The following PRC1 variants were observed in gnomAD, a reference collection of about 807,000 sequenced individuals.
The protein encoded by PRC1 is protein regulator of cytokinesis 1.
Under a neutral mutation model 91.2 loss-of-function variants are expected in PRC1, and 54 were observed. That is an observed-to-expected ratio of 0.59 (90% CI 0.48 to 0.74). The LOEUF is 0.74. Among genes scored for constraint, PRC1 ranks in the 30% least tolerant of loss-of-function variants. The pLI is 0.00. For synonymous variants in PRC1, 275 were observed against 263.6 expected (o/e 1.04, Z -0.42); for missense variants, 727 against 746.2 (o/e 0.97, Z 0.30).
At chr15:90,982,162 T>C in intron 3 of PRC1, 181 bp from the exon 4 acceptor site, 1 of 617,282 alleles carries the variant, frequency 1.6e-6, no homozygotes, top group Non-Finnish European at 2.8e-6. Flanking sequence ...TGAGGAAAAG[T>C]GAGTAAGTAC....
chr15:90,980,320 G>A lies in PRC1; in HGVS notation c.892C>T (p.Arg298Ter). The change falls in exon 7 of 15, where the codon CGA (arginine) becomes TGA (stop). Residue 298 changes from arginine to a stop codon, truncating the protein, a stop_gained. Transcript: ENST00000394249. LOFTEE classifies it high-confidence loss of function. ...QNMKKVIEAIRVELVQYWDQC... is the reference protein window; with the variant it reads ...QNMKKVIEAI ...TCCCAGTACTGAACCAGCTCCACTC[G>A]AATTGCCTCAATCACTTTCTTCATG... 6.2e-7 allele frequency: 1 copy of A among 1,614,110 alleles called. No homozygotes were observed. Among genetic ancestry groups the A allele is most frequent in the Admixed American group, 1.7e-5 (1 of 60,006 alleles).
intron 1 of PRC1, 91 bp downstream of exon 1, chr15:90,994,316 C>A: frequency 1.9e-6 from 3 of 1,590,688 alleles, no homozygotes; most frequent in Non-Finnish European, 2.6e-6. Flanking sequence ...GGCCCGGGAC[C>A]CCGCACGGGT....
rs201923638 is a variant in PRC1, at chr15:90,981,543, A to G, written c.628T>C (p.Leu210=). ...AGTGTTGCAATATTCTCCAAAGACA[A>G]ACAAAAGGCATCTTCGTCTTCACAC... The part of the protein sequence containing the change: ...VVCEDEDAFC[L]SLENIATLQK... Residue 210 remains leucine, a synonymous_variant, in exon 5 of 15, where the codon TTG becomes CTG. Coordinates refer to ENST00000394249, the MANE Select transcript of PRC1 (RefSeq NM_003981.4). The G allele has an allele frequency of 3.1e-6, 5 of 1,614,036 alleles. No individual in the cohort carries two copies. The highest frequency in any genetic ancestry group is 1.6e-4 in the Middle Eastern group (1 of 6,062).
intron 8 of PRC1, among the ~76,000 whole-genome samples, chr15:90,978,363 A>T (rs550189998): frequency 6.6e-6 from 1 of 152,324 alleles, no homozygotes; most frequent in East Asian, 1.9e-4. Context: ...GTGACAGAGC[A>T]TGTGAGCCAC....
chr15:90,977,534 T>C (rs989957725), intron 8 of PRC1, among the ~76,000 whole-genome samples: 3 of 151,990 alleles, frequency 2.0e-5, no homozygotes, highest in African/African-American at 4.8e-5. Flanking sequence ...TTCTTAAATA[T>C]TGGCATGTCA....
chr15:90,993,351 G>C (rs947977534), intron 1 of PRC1, among the ~76,000 whole-genome samples: 2 of 151,700 alleles, frequency 1.3e-5, no homozygotes, highest in African/African-American at 4.8e-5. Context: ...TGGGGGTACA[G>C]GCGCGCCACC....
At position 90,969,524 on chromosome 15, in the gene PRC1, C is replaced by A. The variant is rs201777744; in HGVS notation, c.1672G>T (p.Gly558Cys). The part of the protein sequence containing the change: ...NLELNGSILS[G>C]GYPGSAPLQR... ...AGGGGGGCCGAGCCAGGGTACCCAC[C>A]ACTCAGGATGCTGCCGTTGAGCTCC... The change falls in exon 13 of 15, where the codon GGT (glycine) becomes TGT (cysteine). Residue 558 changes from glycine (G) to cysteine (C), a missense_variant. Physicochemically the swap from Gly to Cys is radical, Grantham distance 159. Transcript: ENST00000394249. 14 of 1,613,554 alleles carry A rather than the reference C, an allele frequency of 8.7e-6. No homozygotes were observed. Among genetic ancestry groups the A allele is most frequent in the Non-Finnish European group, 1.2e-5 (14 of 1,179,696 alleles).
rs757127843 is a variant in PRC1, at chr15:90,984,003, T to G, written c.267+15A>C. The G allele has an allele frequency of 6.2e-7, 1 of 1,613,664 alleles. No individual in the cohort carries two copies. Among genetic ancestry groups the G allele is most frequent in the South Asian group, 1.1e-5 (1 of 91,066 alleles). On this transcript the variant is annotated intron_variant, in intron 3 of 14. Coordinates refer to ENST00000394249, the MANE Select transcript of PRC1 (RefSeq NM_003981.4). The surrounding 1 kb of genome is among the most constrained non-coding windows in gnomAD (Gnocchi z 5.1). ...CCCAGACAGATCACCAGAGACCCTG[T>G]GGGCTGCCACGGACCTGAAATGGCT...
At chr15:90,980,139 A>G in intron 7 of PRC1, 103 bp downstream of exon 7, 1 of 1,396,740 alleles carries the variant, frequency 7.2e-7, no homozygotes, top group South Asian at 1.8e-5. Context: ...TGGGAGGCCA[A>G]GTTGGGAGGA....
chr15:90,969,387 C>T (rs2037849114), intron 13 of PRC1, 60 bp downstream of exon 13: 20 of 1,525,812 alleles, frequency 1.3e-5, no homozygotes, highest in Non-Finnish European at 1.7e-5. Flanking sequence ...GGGAAGATAC[C>T]CACTCTGCCC....
At chr15:90,969,785 T>A (rs58411673) in intron 12 of PRC1, among the ~76,000 whole-genome samples, 162 bp from the exon 13 acceptor site, 2 of 114,826 alleles carry the variant, frequency 1.7e-5, no homozygotes, top group Admixed American at 7.7e-5. Context: ...TATATATATA[T>A]ATATATATAT....
chr15:90,990,357 T>A (rs993878310), intron 1 of PRC1, among the ~76,000 whole-genome samples: 9 of 147,468 alleles, frequency 6.1e-5, no homozygotes, highest in East Asian at 3.9e-4. Flanking sequence ...TAAAATAAAA[T>A]AAAAAATAAA....
intron 8 of PRC1, among the ~76,000 whole-genome samples, chr15:90,978,028 A>G (rs2038880362): frequency 6.6e-6 from 1 of 152,202 alleles, no homozygotes; most frequent in Non-Finnish European, 1.5e-5. Flanking sequence ...TGTAAACTTG[A>G]AGGAGTTGAA....
intron 1 of PRC1, among the ~76,000 whole-genome samples, chr15:90,989,354 TCTC>T (rs1279155571): frequency 6.6e-6 from 1 of 151,566 alleles, no homozygotes; most frequent in Non-Finnish European, 1.5e-5. Flanking sequence ...CTCAAGCAAT[TCTC>T]CTACCTTAGT....
In PRC1 at chr15:90,974,040, C is replaced by G; in HGVS notation, c.1461+96G>C. The G allele has an allele frequency of 1.0e-6, 1 of 960,078 alleles. No individual in the cohort carries two copies. Among genetic ancestry groups the G allele is most frequent in the South Asian group, 1.4e-5 (1 of 71,624 alleles). 59.5% of individuals were successfully genotyped at this position (960,078 alleles called of 1,614,324 possible). A position where few individuals can be genotyped will look rare whatever the true frequency, so the allele number is the denominator to read the frequency against. ...CTTGTCCCACCTGATGAGAAATACC[C>G]ACAGGTGTGGAGGGGCTGGCCCCCT... On this transcript the variant is annotated intron_variant, in intron 11 of 14. Coordinates refer to ENST00000394249, the MANE Select transcript of PRC1 (RefSeq NM_003981.4). This position sits in a 1 kb window ranked among gnomAD's most constrained non-coding sequence, Gnocchi z 4.6.
At position 90,980,376 on chromosome 15, in the gene PRC1, A is replaced by G. The variant is rs1221033364; in HGVS notation, c.836T>C (p.Val279Ala). 6.2e-7 allele frequency: 1 copy of G among 1,613,506 alleles called. No homozygotes were observed. Among genetic ancestry groups the G allele is most frequent in the Non-Finnish European group, 8.5e-7 (1 of 1,179,868 alleles). ...CATTTTCAGTTCTTCCAACCGATCC[A>G]CTTCTAATTGCAGCTGAAAGAAAGA... ...AKVRKALQLE[V>A]DRLEELKMQN... is the part of the protein sequence containing the mutation. Residue 279 changes from valine (V) to alanine (A), a missense_variant, in exon 7 of 15, where the codon GTG becomes GCG. Transcript: ENST00000394249.
At chr15:90,994,312 G>C in intron 1 of PRC1, 95 bp downstream of exon 1, 1 of 1,583,956 alleles carries the variant, frequency 6.3e-7, no homozygotes, top group South Asian at 1.1e-5. Context: ...TCTAGGCCCG[G>C]GACCCCGCAC....
Position 90,981,526 on chromosome 15 carries a change from A to G in PRC1, c.645T>C (p.Ile215=). Residue 215 remains isoleucine (I), a synonymous_variant, in exon 5 of 15, where the codon ATT becomes ATC. Transcript: ENST00000394249. ...GCCGTAGCAACTTTTGTAGTGTTGC[A>G]ATATTCTCCAAAGACAAACAAAAGG... is the stretch of plus-strand genomic sequence containing the variant. The part of the protein sequence containing the change: ...EDAFCLSLEN[I]ATLQKLLRQL... The G allele has an allele frequency of 6.2e-7, 1 of 1,613,994 alleles. No homozygotes were observed. The highest frequency in any genetic ancestry group is 2.2e-5 in the East Asian group (1 of 44,882).
intron 6 of PRC1, 124 bp from the exon 7 acceptor site, chr15:90,980,513 T>G (rs1021002699): frequency 1.3e-5 from 1 of 78,020 alleles, no homozygotes; most frequent in Non-Finnish European, 1.9e-5. Flanking sequence ...AAATCAACAC[T>G]TTTTTTTTTT....
Sources: gnomAD v4.1 joint callset for allele counts (sites outside exome capture counted in the v4.1 genomes callset) on GRCh38, gnomAD v4.1.1 for gene constraint, Gnocchi (gnomAD v3.1) non-coding constraint, MANE v1.5 for transcripts, NCBI Gene and HGNC (gene_info 2026-07-23, HGNC 2026-07-21) for gene names.